Variants in LMAN2L observed in about 807,000 individuals in gnomAD.
LMAN2L encodes lectin, mannose binding 2 like.
A neutral mutation model predicts 44.3 loss-of-function variants in LMAN2L; 30 were observed. The ratio of observed to expected loss-of-function variants is 0.68; its 90% CI spans 0.51 to 0.92. The LOEUF (loss-of-function observed/expected upper bound fraction) is 0.92, where lower values mean the gene tolerates loss of function less well. Ranked by LOEUF, LMAN2L falls within the 40% of genes least tolerant of loss-of-function variation. The pLI is 0.00. For synonymous variants in LMAN2L, 183 were observed against 171.1 expected (o/e 1.07, Z -0.54); for missense variants, 429 against 446.1 (o/e 0.96, Z 0.35).
intron 4 of LMAN2L, among the ~76,000 whole-genome samples, chr2:96,733,019 G>A (rs2078438517): frequency 6.6e-6 from 1 of 152,100 alleles, no homozygotes; most frequent in African/African-American, 2.4e-5. Flanking sequence ...AAAGTGCTGG[G>A]CTTACAGGTG....
chr2:96,732,012 A>G (rs1173765834), intron 4 of LMAN2L, among the ~76,000 whole-genome samples: 3 of 151,800 alleles, frequency 2.0e-5, no homozygotes, highest in African/African-American at 7.3e-5. Flanking sequence ...TACTAATAAA[A>G]ATACTAATTT....
In LMAN2L at chr2:96,738,084, G is replaced by A. The variant is rs751927435; in HGVS notation, c.188-17C>T. ...TGCCCACACCTACAGGAAGGAAGTAGATCAGTTCATACTTTTCAACACCAA... is the reference window on the plus strand; with the variant it reads ...TGCCCACACCTACAGGAAGGAAGTAAATCAGTTCATACTTTTCAACACCAA... On this transcript the variant is annotated splice_polypyrimidine_tract_variant and intron_variant, in intron 1 of 7. Transcript: ENST00000264963. 1 of 1,562,320 alleles carries A rather than the reference G, an allele frequency of 6.4e-7. No individual in the cohort carries two copies. The highest frequency in any genetic ancestry group is 8.8e-7 in the Non-Finnish European group (1 of 1,132,886).
At chr2:96,739,020 C>T (rs1391188828) in intron 1 of LMAN2L, among the ~76,000 whole-genome samples, 2 of 152,182 alleles carry the variant, frequency 1.3e-5, no homozygotes, top group African/African-American at 2.4e-5. Flanking sequence ...AGATTACAGG[C>T]GTGAGCCACC....
Position 96,711,914 on chromosome 2 carries a change from G to A in LMAN2L, c.619C>T (p.Leu207Phe), listed in dbSNP as rs896268997. 6.2e-7 allele frequency: 1 copy of A among 1,614,216 alleles called. No homozygotes were observed. The highest frequency in any genetic ancestry group is 1.1e-5 in the South Asian group (1 of 91,088). Reference protein sequence around the residue: ...LGGCTAIVRNLHYDTFLVIRY... With the variant: ...LGGCTAIVRNFHYDTFLVIRY... ...ATCACCAGGAAGGTGTCGTAATGAA[G>A]ATTGCGGACAATGGCTGTGCAGCCT... The change falls in exon 5 of 8, where the codon CTT becomes TTT. Residue 207 changes from leucine (L) to phenylalanine (F), a missense_variant. By Grantham distance (22) the Leu-to-Phe change is conservative. Coordinates refer to ENST00000264963, the MANE Select transcript of LMAN2L (RefSeq NM_030805.4).
intron 1 of LMAN2L, among the ~76,000 whole-genome samples, chr2:96,739,365 T>C (rs921019528): frequency 2.0e-5 from 3 of 152,242 alleles, no homozygotes; most frequent in Non-Finnish European, 4.4e-5. Context: ...CTTAGAGTTC[T>C]GTGAACCCTA....
intron 6 of LMAN2L, among the ~76,000 whole-genome samples, chr2:96,710,406 A>G (rs1162020150): frequency 6.6e-6 from 1 of 152,220 alleles, no homozygotes; most frequent in Non-Finnish European, 1.5e-5. Context: ...TCAGTGGCTC[A>G]TGCCTGTAAT....
At chr2:96,735,418 T>C (rs926255939) in intron 2 of LMAN2L, among the ~76,000 whole-genome samples, 1 of 152,214 alleles carries the variant, frequency 6.6e-6, no homozygotes, top group African/African-American at 2.4e-5. Context: ...ATATTAGAAG[T>C]ACACAGTCAA....
intron 4 of LMAN2L, among the ~76,000 whole-genome samples, chr2:96,731,510 G>C (rs2078395816): frequency 1.3e-5 from 2 of 152,014 alleles, no homozygotes; most frequent in African/African-American, 4.8e-5. Flanking sequence ...GCTGGGCGTG[G>C]TGGCGTGTGC....
rs577508745 is a variant in LMAN2L at position 96,722,865 on chromosome 2, T to C, written c.507+10654A>G. On this transcript the variant is annotated intron_variant, in intron 4 of 7. Transcript: ENST00000264963. The stretch of plus-strand genomic sequence containing the variant: ...GCAAAACCCGTATCTACTAAAAATG[T>C]AAAAATTAGCCAGGCGTGGTGGCAG... Among the ~76,000 whole-genome samples the C allele has an allele frequency of 7.9e-5, 12 of 152,118 alleles. No homozygotes were observed. In the South Asian group the frequency reaches 2.5e-3, roughly 32 times the overall value.
chr2:96,732,275 C>G (rs1469051224), intron 4 of LMAN2L, among the ~76,000 whole-genome samples: 2 of 152,068 alleles, frequency 1.3e-5, no homozygotes, highest in Non-Finnish European at 2.9e-5. Context: ...GGATACCCAG[C>G]AACAACCTGT....
intron 4 of LMAN2L, among the ~76,000 whole-genome samples, chr2:96,716,466 G>T (rs1007863517): frequency 6.6e-6 from 1 of 152,168 alleles, no homozygotes; most frequent in Non-Finnish European, 1.5e-5. Context: ...CCATTGTCTA[G>T]TAAGCTGACC....
At chr2:96,707,507 G>T in intron 7 of LMAN2L, 109 bp from the exon 8 acceptor site, 3 of 1,350,738 alleles carry the variant, frequency 2.2e-6, no homozygotes, top group Non-Finnish European at 1.0e-6. Context: ...CTTCTGGGAA[G>T]CCAGAGCTTA....
At chr2:96,713,130 T>A in intron 4 of LMAN2L, 3 of 1,551,412 alleles carry the variant, frequency 1.9e-6, no homozygotes, top group Non-Finnish European at 1.7e-6. Flanking sequence ...GAATATCGCC[T>A]CTTCTGGGCC....
chr2:96,707,524 C>T, intron 7 of LMAN2L, 126 bp from the exon 8 acceptor site: 1 of 1,264,826 alleles, frequency 7.9e-7, no homozygotes, highest in East Asian at 2.5e-5. Flanking sequence ...CTTAGACCCC[C>T]TCTTTCCAAC....
Position 96,707,123 on chromosome 2 carries a change from C to G in LMAN2L, c.*133G>C. On this transcript the variant is annotated 3_prime_UTR_variant, in exon 8 of 8. Coordinates refer to ENST00000264963, the MANE Select transcript of LMAN2L (RefSeq NM_030805.4). ...GAATGCGGGGTCCCTGCATTCAAAA[C>G]TCCAGTGACAGAATATAGTCCCCAA... 1 of 861,936 alleles carries G rather than the reference C, an allele frequency of 1.2e-6. No individual in the cohort carries two copies. The highest frequency in any genetic ancestry group is 1.7e-6 in the Non-Finnish European group (1 of 572,816). 53.4% of individuals were successfully genotyped at this position (861,936 alleles called of 1,614,324 possible). A position where few individuals can be genotyped will look rare whatever the true frequency, so the allele number is the denominator to read the frequency against.
chr2:96,711,587 G>C, intron 6 of LMAN2L, 69 bp downstream of exon 6: 1 of 1,012,660 alleles, frequency 9.9e-7, no homozygotes, highest in Non-Finnish European at 1.6e-6. Flanking sequence ...CCTGTGAGAG[G>C]CCTCAATGAA....
chr2:96,726,944 TGTG>T (rs1357847871), intron 4 of LMAN2L, among the ~76,000 whole-genome samples: 6 of 150,806 alleles, frequency 4.0e-5, no homozygotes, highest in Non-Finnish European at 7.4e-5. Context: ...ATTAACCAGG[TGTG>T]GTGGTGCACG....
intron 4 of LMAN2L, among the ~76,000 whole-genome samples, chr2:96,721,182 C>T (rs1047065994): frequency 1.3e-5 from 2 of 152,154 alleles, no homozygotes; most frequent in African/African-American, 4.8e-5. Context: ...CTTTCTGTCT[C>T]TACAGATTTG....
At chr2:96,711,809 G>A in intron 5 of LMAN2L, 39 bp from the exon 6 acceptor site, 1 of 1,612,708 alleles carries the variant, frequency 6.2e-7, no homozygotes, top group Non-Finnish European at 8.5e-7. Context: ...TCAGGCCATG[G>A]GAGCAAGAGC....
Sources: allele counts gnomAD v4.1 joint callset (sites outside exome capture counted in the v4.1 genomes callset), GRCh38; gene constraint gnomAD v4.1.1; transcripts MANE v1.5; gene names NCBI Gene and HGNC (gene_info 2026-07-23, HGNC 2026-07-21).